The following PKNOX2 variants were observed in gnomAD, a reference collection of about 807,000 sequenced individuals.
PKNOX2 encodes the protein homeobox protein PKNOX2.
PKNOX2 carries 14 observed loss-of-function variants against 53.1 expected under a neutral mutation model. The ratio of observed to expected loss-of-function variants is 0.26; its 90% CI spans 0.17 to 0.41. PKNOX2 has a LOEUF of 0.41. PKNOX2 is among the 10% of genes least tolerant of loss of function. The pLI, the probability that PKNOX2 is intolerant of heterozygous loss-of-function variation, is 1.00. For missense variants in PKNOX2, 496 were observed against 602.8 expected (o/e 0.82, Z 1.85); for synonymous variants, 257 against 242.8 (o/e 1.06, Z -0.54).
intron 1 of PKNOX2, chr11:125,190,898 A>T (rs1039580546): frequency 2.6e-5 from 4 of 152,330 alleles, no homozygotes; most frequent in East Asian, 3.9e-4. Context: ...GTACTGCCTC[A>T]TGACTTTTCA....
intron 1 of PKNOX2, among the ~76,000 whole-genome samples, chr11:125,174,478 G>C (rs758062629): frequency 6.6e-6 from 1 of 152,126 alleles, no homozygotes; most frequent in Non-Finnish European, 1.5e-5. Flanking sequence ...GGTTATCCTT[G>C]GCTCTCTTCA....
At chr11:125,286,546 A>G (rs964987273) in intron 2 of PKNOX2, among the ~76,000 whole-genome samples, 3 of 152,176 alleles carry the variant, frequency 2.0e-5, no homozygotes, top group Admixed American at 1.3e-4. Context: ...CCTTGGCCCT[A>G]TGCCACCCCT....
intron 10 of PKNOX2, among the ~76,000 whole-genome samples, chr11:125,419,881 A>AT (rs1185434558): frequency 2.6e-4 from 39 of 148,254 alleles, no homozygotes; most frequent in Non-Finnish European, 3.1e-4. Context: ...AAAAGAAAAA[A>AT]TTAAAAAAAA....
intron 2 of PKNOX2, among the ~76,000 whole-genome samples, chr11:125,260,136 C>A (rs897058535): frequency 1.3e-5 from 2 of 152,100 alleles, no homozygotes; most frequent in South Asian, 2.1e-4. Context: ...CCTCAGCCCC[C>A]CAAAGTGCTG....
At chr11:125,333,577 C>T (rs1442549521) in intron 3 of PKNOX2, among the ~76,000 whole-genome samples, 1 of 151,950 alleles carries the variant, frequency 6.6e-6, no homozygotes, top group Admixed American at 6.6e-5. Flanking sequence ...CACACACACA[C>T]ACACTAACCA....
chr11:125,337,077 A>G lies in PKNOX2; in HGVS notation c.-23+5152A>G, dbSNP rs114870425. ...GATTTTTACATTGTTAAGATTTAGA[A>G]GATTTATACTGTTACATTGCTGTAG... On this transcript the variant is annotated intron_variant, in intron 3 of 12. Transcript: ENST00000298282. 3.4e-3 allele frequency among the ~76,000 whole-genome samples: 516 copies of G among 152,200 alleles called. 1 individual carries two copies. The highest frequency in any genetic ancestry group is 0.012 in the African/African-American group (496 of 41,530).
intron 2 of PKNOX2, among the ~76,000 whole-genome samples, chr11:125,264,336 C>T (rs554314088): frequency 1.4e-3 from 212 of 152,316 alleles, no homozygotes; most frequent in African/African-American, 4.1e-3. Flanking sequence ...AGAGCTCCTT[C>T]CCCAGATCCC....
At chr11:125,365,639 G>A (rs2136267938) in intron 4 of PKNOX2, among the ~76,000 whole-genome samples, 1 of 152,282 alleles carries the variant, frequency 6.6e-6, no homozygotes, top group East Asian at 1.9e-4. Context: ...TTAAAGTGCT[G>A]AATAAGAGGA....
chr11:125,328,339 G>A (rs576798000), intron 2 of PKNOX2, among the ~76,000 whole-genome samples: 1 of 151,976 alleles, frequency 6.6e-6, no homozygotes, highest in African/African-American at 2.4e-5. Flanking sequence ...GCGGGGGAGA[G>A]AGAGAGAAAG....
intron 1 of PKNOX2, among the ~76,000 whole-genome samples, chr11:125,228,380 T>C (rs1319450793): frequency 2.0e-5 from 3 of 152,218 alleles, no homozygotes; most frequent in Non-Finnish European, 2.9e-5. Context: ...GTGGCAGTCA[T>C]GTAGTCCATA....
At chr11:125,296,325 C>G (rs1009279462) in intron 2 of PKNOX2, among the ~76,000 whole-genome samples, 2 of 152,212 alleles carry the variant, frequency 1.3e-5, no homozygotes, top group African/African-American at 4.8e-5. Context: ...TCTGCCGGCT[C>G]TACCCAATAC....
At chr11:125,380,099 G>A (rs959659154) in intron 5 of PKNOX2, among the ~76,000 whole-genome samples, 8 of 152,162 alleles carry the variant, frequency 5.3e-5, no homozygotes, top group Non-Finnish European at 8.8e-5. Flanking sequence ...GCTGAGCTGC[G>A]TCTCCCTCCT....
intron 2 of PKNOX2, among the ~76,000 whole-genome samples, chr11:125,302,464 C>T (rs1948142512): frequency 6.6e-6 from 1 of 152,228 alleles, no homozygotes; most frequent in African/African-American, 2.4e-5. Flanking sequence ...CCCTCACAGC[C>T]TTTAGCCGGC....
intron 1 of PKNOX2, among the ~76,000 whole-genome samples, chr11:125,222,645 G>C (rs968805945): frequency 7.1e-6 from 1 of 141,020 alleles, no homozygotes. Flanking sequence ...ATGTGTGTGC[G>C]TATGTGTGTG....
intron 2 of PKNOX2, among the ~76,000 whole-genome samples, chr11:125,242,221 AGGCT>A (rs1320878690): frequency 6.6e-6 from 1 of 152,104 alleles, no homozygotes; most frequent in African/African-American, 2.4e-5. Flanking sequence ...GAGGGAACTG[AGGCT>A]GGCCTGTTGT....
At chr11:125,368,031 G>T (rs1057301029) in intron 5 of PKNOX2, 46 bp downstream of exon 5, 2 of 1,583,850 alleles carry the variant, frequency 1.3e-6, no homozygotes, top group Non-Finnish European at 1.7e-6. Context: ...CCAGCTTCAG[G>T]CCCAGCTCAG....
chr11:125,252,103 C>T (rs1237594560), intron 2 of PKNOX2, among the ~76,000 whole-genome samples: 4 of 152,134 alleles, frequency 2.6e-5, no homozygotes, highest in Admixed American at 1.3e-4. Flanking sequence ...GCTCGTCAAG[C>T]GGTGAAGAGG....
chr11:125,236,456 G>A (rs61912981), intron 2 of PKNOX2, among the ~76,000 whole-genome samples: 23,364 of 151,768 alleles, frequency 0.15, 1,862 homozygotes, highest in African/African-American at 0.16. Flanking sequence ...TCCTCGCATC[G>A]GAGGTTAGAG....
At position 125,410,208 on chromosome 11, in the gene PKNOX2, A is replaced by G. The variant is rs771708472; in HGVS notation, c.601A>G (p.Asn201Asp). Residue 201 changes from asparagine to aspartate, a missense_variant, in exon 8 of 13, where the codon AAT becomes GAT. By Grantham distance (23) the Asn-to-Asp change is conservative. Around this residue, in one of 5 missense-constraint regions of PKNOX2, gnomAD observed 141 missense variants for 143.9 expected, o/e 0.98. Coordinates refer to ENST00000298282, the MANE Select transcript of PKNOX2 (RefSeq NM_001382323.2). ...CCCTCACTGCCAGGACCTCCTGCAG[A>G]ATTCCCCCAATTCCATGTCCGGAGT... ...INLHSQDLLQ[N>D]SPNSMSGVSN... 3.7e-6 allele frequency: 6 copies of G among 1,613,970 alleles called. No individual in the cohort carries two copies. The South Asian group carries it at 6.6e-5, about 18-fold the overall frequency.
Sources: allele counts gnomAD v4.1 joint callset (sites outside exome capture counted in the v4.1 genomes callset), GRCh38; gene constraint gnomAD v4.1.1; regional missense constraint gnomAD v4.1.1; transcripts MANE v1.5; gene names NCBI Gene and HGNC (gene_info 2026-07-23, HGNC 2026-07-21).